The following ZNF641 variants were observed in gnomAD, a reference collection of about 807,000 sequenced individuals.
ZNF641 encodes zinc finger protein 641.
In ZNF641, 26 loss-of-function variants were observed where a neutral mutation model predicts 46.2. That is an observed-to-expected ratio of 0.56 (90% CI 0.41 to 0.78). ZNF641 has a LOEUF of 0.78. ZNF641 is among the 30% of genes least tolerant of loss of function. The pLI is 0.00. For missense variants in ZNF641, 469 were observed against 517.8 expected (o/e 0.91, Z 0.91); for synonymous variants, 163 against 187.9 (o/e 0.87, Z 1.09).
rs544761959 is a variant in ZNF641 at position 48,350,246 on chromosome 12, G to A, written c.-26+540C>T. 4.1e-6 allele frequency: 6 copies of A among 1,452,994 alleles called. No homozygotes were observed. The East Asian group carries it at 1.5e-4, about 36-fold the overall frequency. 90.0% of individuals were successfully genotyped at this position (1,452,994 alleles called of 1,614,324 possible). A position where few individuals can be genotyped will look rare whatever the true frequency, so the allele number is the denominator to read the frequency against. Reference sequence around the variant, plus strand: ...GCAAAAGGAAGTTTCTGCAGCCAGTGCTGATGAACAGAAAAGGGGCCATGT... The same window carrying A: ...GCAAAAGGAAGTTTCTGCAGCCAGTACTGATGAACAGAAAAGGGGCCATGT... On this transcript the variant is annotated intron_variant, in intron 1 of 5. Transcript: ENST00000547026.
Position 48,342,995 on chromosome 12 carries a change from T to C in ZNF641, c.1253A>G (p.Asp418Gly). 6.2e-7 allele frequency: 1 copy of C among 1,613,664 alleles called. No individual in the cohort carries two copies. Among genetic ancestry groups the C allele is most frequent in the African/African-American group, 1.3e-5 (1 of 75,074 alleles). The change falls in exon 6 of 6, where the codon GAC becomes GGC. Residue 418 changes from aspartate (D) to glycine (G), a missense_variant. Asp to Gly is a moderately conservative substitution (Grantham distance 94). Around this residue, in one of 3 missense-constraint regions of ZNF641, gnomAD observed 346 missense variants for 354.0 expected, o/e 0.98. Transcript: ENST00000547026. ...ATTTCAAAAGACAGATGTTCCTCTG[T>C]CCCAGCTGTTCCGGGGACTTTGTCC... is the stretch of plus-strand genomic sequence containing the variant. ...HQGQSPRNSW[D>G]RGTSVF
chr12:48,347,860 T>G, intron 2 of ZNF641, 47 bp downstream of exon 2: 1 of 1,573,006 alleles, frequency 6.4e-7, no homozygotes, highest in Non-Finnish European at 8.7e-7. Flanking sequence ...GGAATAAATA[T>G]TAGGAGACTA....
chr12:48,347,190 G>T (rs547011381), intron 3 of ZNF641, 62 bp downstream of exon 3: 23 of 1,612,328 alleles, frequency 1.4e-5, no homozygotes, highest in Non-Finnish European at 2.0e-5. Flanking sequence ...GGGCTGATGC[G>T]AAAGCAATAC....
intron 3 of ZNF641, chr12:48,347,041 A>G: frequency 1.1e-6 from 1 of 925,688 alleles, no homozygotes; most frequent in Non-Finnish European, 1.5e-6. Flanking sequence ...AACTCAAAAA[A>G]ACCCTAACCT....
intron 1 of ZNF641, chr12:48,350,146 C>T: frequency 1.2e-6 from 2 of 1,609,756 alleles, no homozygotes; most frequent in South Asian, 2.2e-5. Context: ...CAGGATGATC[C>T]CATGCCCACT....
At chr12:48,346,926 G>T (rs930648037) in intron 3 of ZNF641, among the ~76,000 whole-genome samples, 2 of 152,144 alleles carry the variant, frequency 1.3e-5, no homozygotes, top group Non-Finnish European at 2.9e-5. Context: ...CACAAGAATC[G>T]CTTGAACCCA....
chr12:48,341,499 C>A lies in ZNF641; in HGVS notation c.*1474G>T. 1.0e-6 allele frequency: 1 copy of A among 985,418 alleles called. No homozygotes were observed. The highest frequency in any genetic ancestry group is 1.2e-6 in the Non-Finnish European group (1 of 829,934). The allele number at this position is 985,418 out of a possible 1,614,324, so 61.0% of individuals were successfully genotyped here. On this transcript the variant is annotated 3_prime_UTR_variant, in exon 6 of 6. Coordinates refer to ENST00000547026, the MANE Select transcript of ZNF641 (RefSeq NM_001172681.2). ...TTTCCAGAATTGGAAGGAAAACCAA[C>A]CAGAAAGCTTATTACCCTGCAGCAG... is the stretch of plus-strand genomic sequence containing the variant.
At chr12:48,345,529 T>C (rs1592145493) in intron 3 of ZNF641, 55 bp from the exon 4 acceptor site, 2 of 1,610,204 alleles carry the variant, frequency 1.2e-6, no homozygotes, top group Non-Finnish European at 1.7e-6. Flanking sequence ...GAAAATGTGA[T>C]TCAGTATGAA....
chr12:48,344,329 T>G, intron 5 of ZNF641: 1 of 256,500 alleles, frequency 3.9e-6, no homozygotes, highest in Admixed American at 4.9e-5. Context: ...TTCTAATATA[T>G]TCATATATTT....
Position 48,340,466 on chromosome 12 carries a change from G to C in ZNF641, c.*2507C>G. ...ATGTCAGATCTTTTTGAAAACCAGA[G>C]AGTAGAATGTAAGCAATACCCTTGT... On this transcript the variant is annotated 3_prime_UTR_variant, in exon 6 of 6. Transcript: ENST00000547026. The C allele has an allele frequency of 1.0e-6, 1 of 985,430 alleles. No individual in the cohort carries two copies. The highest frequency in any genetic ancestry group is 1.2e-6 in the Non-Finnish European group (1 of 829,934). The allele number at this position is 985,430 out of a possible 1,614,324, so 61.0% of individuals were successfully genotyped here. A position where few individuals can be genotyped will look rare whatever the true frequency, so the allele number is the denominator to read the frequency against.
At position 48,340,602 on chromosome 12, in the gene ZNF641, C is replaced by A. The variant is rs1952696291; in HGVS notation, c.*2371G>T. On this transcript the variant is annotated 3_prime_UTR_variant, in exon 6 of 6. Transcript: ENST00000547026. The stretch of plus-strand genomic sequence containing the variant: ...AATTCTTGACACAAATATATAATGA[C>A]CATTTTAGATCGGGGAACTCCCTTT... 1.0e-6 allele frequency: 1 copy of A among 985,290 alleles called. No individual in the cohort carries two copies. Among genetic ancestry groups the A allele is most frequent in the Admixed American group, 6.2e-5 (1 of 16,256 alleles). 61.0% of individuals were successfully genotyped at this position (985,290 alleles called of 1,614,324 possible).
chr12:48,340,002 T>A lies in ZNF641; in HGVS notation c.*2971A>T, dbSNP rs754460844. The A allele has an allele frequency of 9.1e-6, 9 of 985,338 alleles. No individual in the cohort carries two copies. The highest frequency in any genetic ancestry group is 5.2e-4 in the Middle Eastern group (1 of 1,936). The allele number at this position is 985,338 out of a possible 1,614,324, so 61.0% of individuals were successfully genotyped here. The stretch of plus-strand genomic sequence containing the variant: ...ATGTGACAGGTTCCTGAAGATGATA[T>A]CCCTGTTTTACATTTTGCCCAAAGA... On this transcript the variant is annotated 3_prime_UTR_variant, in exon 6 of 6. Coordinates refer to ENST00000547026, the MANE Select transcript of ZNF641 (RefSeq NM_001172681.2).
chr12:48,350,880 G>A lies in ZNF641; in HGVS notation c.-120C>T, dbSNP rs1048265682. On this transcript the variant is annotated 5_prime_UTR_variant, in exon 1 of 6. Transcript: ENST00000547026. Reference sequence around the variant, plus strand: ...CGCTTGCGTCTGGGAGCCGGCGGCCGGCGGAGCCAGCGACAGGCGGAGACG... The same window carrying A: ...CGCTTGCGTCTGGGAGCCGGCGGCCAGCGGAGCCAGCGACAGGCGGAGACG... The A allele has an allele frequency of 1.1e-5, 11 of 985,010 alleles. No homozygotes were observed. In the African/African-American group the frequency reaches 1.9e-4, roughly 17 times the overall value. The allele number at this position is 985,010 out of a possible 1,614,324, so 61.0% of individuals were successfully genotyped here.
chr12:48,341,968 T>C lies in ZNF641; in HGVS notation c.*1005A>G. On this transcript the variant is annotated 3_prime_UTR_variant, in exon 6 of 6. Transcript: ENST00000547026. ...AGAAAAAACCCCATATAATCCCCAC[T>C]ACCCTCATCCCCAGAACACAGCCCC... The C allele has an allele frequency of 1.0e-6, 1 of 985,430 alleles. No homozygotes were observed. Among genetic ancestry groups the C allele is most frequent in the Non-Finnish European group, 1.2e-6 (1 of 829,954 alleles). 61.0% of individuals were successfully genotyped at this position (985,430 alleles called of 1,614,324 possible).
intron 2 of ZNF641, 99 bp from the exon 3 acceptor site, chr12:48,347,442 G>T: frequency 2.0e-6 from 2 of 992,358 alleles, no homozygotes; most frequent in Non-Finnish European, 2.9e-6. Flanking sequence ...CACAACTTCT[G>T]TATCTATGCC....
chr12:48,345,586 G>A, intron 3 of ZNF641, 112 bp from the exon 4 acceptor site: 2 of 1,392,714 alleles, frequency 1.4e-6, no homozygotes, highest in South Asian at 2.6e-5. Flanking sequence ...TCTGAGAAAA[G>A]AGCTGCCCAG....
intron 1 of ZNF641, among the ~76,000 whole-genome samples, chr12:48,348,988 G>A (rs1266779052): frequency 6.6e-6 from 1 of 152,224 alleles, no homozygotes; most frequent in African/African-American, 2.4e-5. Context: ...TGAAGCCAGT[G>A]TGTGTTCATC....
At chr12:48,350,320 T>C in intron 1 of ZNF641, 1 of 1,150,194 alleles carries the variant, frequency 8.7e-7, no homozygotes, top group Non-Finnish European at 1.2e-6. Flanking sequence ...GCTCCGTCCA[T>C]CAGAGAACCC....
intron 1 of ZNF641, chr12:48,350,160 G>A (rs1314627416): frequency 1.9e-6 from 3 of 1,603,536 alleles, no homozygotes; most frequent in Non-Finnish European, 2.6e-6. Context: ...GCCCACTGCA[G>A]TGTGGGTTCT....
Sources: gnomAD v4.1 joint callset for allele counts (sites outside exome capture counted in the v4.1 genomes callset) on GRCh38, gnomAD v4.1.1 for gene constraint, gnomAD v4.1.1 regional missense constraint, MANE v1.5 for transcripts, NCBI Gene and HGNC (gene_info 2026-07-23, HGNC 2026-07-21) for gene names.